MALRD1: variants seen among roughly 807,000 people sequenced by gnomAD.
MALRD1 encodes the protein MAM and LDL receptor class A domain containing 1, also known as MAM and LDL-receptor class A domain-containing protein 1.
MALRD1 carries 247 observed loss-of-function variants against 242.1 expected under a neutral mutation model. The ratio of observed to expected loss-of-function variants is 1.02; its 90% CI spans 0.92 to 1.13. The LOEUF is 1.13. Among genes scored for constraint, MALRD1 ranks in the 50% most tolerant of loss-of-function variants. The pLI is 0.00. For synonymous variants in MALRD1, 995 were observed against 866.6 expected, an observed-to-expected ratio of 1.15 and a Z score of -2.60; for missense variants, 2,989 against 2,533.1, an observed-to-expected ratio of 1.18 and a Z score of -3.86.
chr10:19,175,281 G>A lies in MALRD1; in HGVS notation c.1904G>A (p.Cys635Tyr). 8.1e-7 allele frequency: 1 copy of A among 1,230,558 alleles called. No individual in the cohort carries two copies. Among genetic ancestry groups the A allele is most frequent in the East Asian group, 3.2e-5 (1 of 31,578 alleles). The allele number at this position is 1,230,558 out of a possible 1,614,324, so 76.2% of individuals were successfully genotyped here. ...ALDDISVSQECEISYKSLPRT... is the reference protein window; with the variant it reads ...ALDDISVSQEYEISYKSLPRT... ...GATGACATCAGTGTGTCCCAGGAAT[G>A]TGAAATTTCCTATAAATCACTACCA... Residue 635 changes from cysteine to tyrosine, a missense_variant, in exon 14 of 40, where the codon TGT (cysteine) becomes TAT (tyrosine). Transcript: ENST00000454679.
chr10:19,206,248 G>C (rs7081980), intron 17 of MALRD1, among the ~76,000 whole-genome samples: 111,194 of 151,174 alleles, frequency 0.74, 41,111 homozygotes, highest in South Asian at 0.83. Context: ...ATCGTAGAGA[G>C]TTTTGCCTAT....
chr10:19,556,017 A>C, intron 32 of MALRD1, among the ~76,000 whole-genome samples: 1 of 152,182 alleles, frequency 6.6e-6, no homozygotes, highest in East Asian at 1.9e-4. Context: ...TTTCCAACTA[A>C]GGCAACTCAG....
chr10:19,628,938 A>G (rs905742012), intron 36 of MALRD1, among the ~76,000 whole-genome samples: 2 of 152,152 alleles, frequency 1.3e-5, no homozygotes, highest in African/African-American at 4.8e-5. Context: ...TGCCTCCTGC[A>G]GAGCCAAGTA....
At chr10:19,466,528 C>T (rs763247727) in intron 29 of MALRD1, among the ~76,000 whole-genome samples, 20 of 152,134 alleles carry the variant, frequency 1.3e-4, no homozygotes, top group Non-Finnish European at 2.6e-4. Context: ...TCTCACAGTT[C>T]TGGAGGCTGG....
chr10:19,402,194 G>A (rs1022094989), intron 28 of MALRD1, among the ~76,000 whole-genome samples: 2 of 152,112 alleles, frequency 1.3e-5, no homozygotes, highest in South Asian at 2.1e-4. Context: ...TTTATCTTTT[G>A]AGAGAGCAAG....
intron 2 of MALRD1, among the ~76,000 whole-genome samples, chr10:19,083,839 T>A (rs1476730428): frequency 6.6e-6 from 1 of 151,976 alleles, no homozygotes; most frequent in Admixed American, 6.6e-5. Context: ...AGCCATTTGT[T>A]GAATAAAAGC....
At chr10:19,592,219 A>C (rs1837826841) in intron 33 of MALRD1, among the ~76,000 whole-genome samples, 1 of 152,352 alleles carries the variant, frequency 6.6e-6, no homozygotes, top group South Asian at 2.1e-4. Context: ...TCTCTCAGGA[A>C]CATCCCTGCA....
chr10:19,272,988 A>C (rs903125407), intron 19 of MALRD1, among the ~76,000 whole-genome samples: 41 of 152,128 alleles, frequency 2.7e-4, no homozygotes, highest in African/African-American at 9.7e-4. Context: ...GCTGCAATAA[A>C]CATATGTGTG....
At chr10:19,280,459 C>T (rs980990166) in intron 20 of MALRD1, among the ~76,000 whole-genome samples, 3 of 152,148 alleles carry the variant, frequency 2.0e-5, no homozygotes, top group African/African-American at 7.2e-5. Flanking sequence ...TCAAAACTAT[C>T]GTTTTCACAA....
intron 28 of MALRD1, among the ~76,000 whole-genome samples, chr10:19,447,126 C>T (rs1172167771): frequency 6.6e-6 from 1 of 150,786 alleles, no homozygotes; most frequent in Non-Finnish European, 1.5e-5. Context: ...ACTGAGAGTG[C>T]TTTTACAGTA....
At chr10:19,706,180 C>G (rs192368305) in intron 38 of MALRD1, among the ~76,000 whole-genome samples, 65 of 152,242 alleles carry the variant, frequency 4.3e-4, no homozygotes, top group Middle Eastern at 6.8e-3. Flanking sequence ...AATGCAGAAA[C>G]TTGTGGTTTC....
At chr10:19,671,175 G>A (rs1486020429) in intron 36 of MALRD1, among the ~76,000 whole-genome samples, 2 of 151,836 alleles carry the variant, frequency 1.3e-5, no homozygotes, top group African/African-American at 4.8e-5. Flanking sequence ...TACAATATGA[G>A]GACTACTTGA....
At position 19,464,267 on chromosome 10, in the gene MALRD1, G is replaced by A. The variant is rs75715453; in HGVS notation, c.5029+13777G>A. Among the ~76,000 whole-genome samples the A allele has an allele frequency of 5.9e-3, 904 of 152,186 alleles. 13 individuals carry two copies. Among genetic ancestry groups the A allele is most frequent in the Admixed American group, 0.024 (364 of 15,288 alleles). On this transcript the variant is annotated intron_variant, in intron 29 of 39. Coordinates refer to ENST00000454679, the MANE Select transcript of MALRD1 (RefSeq NM_001142308.3). ...TGTTGCATTTGCTTTTGGGTTCTTG[G>A]TCGTGAAGTCTTTGCCTAAGCCAAT...
chr10:19,580,739 A>G (rs1199415651), intron 33 of MALRD1, among the ~76,000 whole-genome samples: 1 of 152,156 alleles, frequency 6.6e-6, no homozygotes, highest in Non-Finnish European at 1.5e-5. Flanking sequence ...TGTGCTTGGC[A>G]TCTCTTCTCA....
At chr10:19,517,782 T>C (rs1299595951) in intron 31 of MALRD1, among the ~76,000 whole-genome samples, 3 of 152,172 alleles carry the variant, frequency 2.0e-5, no homozygotes, top group Non-Finnish European at 4.4e-5. Context: ...GGAGCTCAAA[T>C]TTAAGAGAGA....
At chr10:19,581,760 G>A (rs1837138198) in intron 33 of MALRD1, among the ~76,000 whole-genome samples, 1 of 150,334 alleles carries the variant, frequency 6.7e-6, no homozygotes, top group African/African-American at 2.5e-5. Flanking sequence ...GGGTCAAATG[G>A]TATTTCTAGT....
At chr10:19,407,006 T>C (rs1833055781) in intron 28 of MALRD1, among the ~76,000 whole-genome samples, 1 of 152,192 alleles carries the variant, frequency 6.6e-6, no homozygotes, top group East Asian at 1.9e-4. Flanking sequence ...GCTTCCTGTC[T>C]TAAATGAGGA....
chr10:19,668,482 A>G (rs1365802634), intron 36 of MALRD1, among the ~76,000 whole-genome samples: 1 of 152,206 alleles, frequency 6.6e-6, no homozygotes, highest in African/African-American at 2.4e-5. Context: ...TGCACCCAGA[A>G]AGCCGAGGAT....
intron 38 of MALRD1, among the ~76,000 whole-genome samples, chr10:19,714,445 A>G (rs1015626387): frequency 4.6e-5 from 7 of 152,022 alleles, no homozygotes; most frequent in African/African-American, 1.4e-4. Context: ...CTCGACGTCC[A>G]GCTGCCTGCA....
Sources: gnomAD v4.1 joint callset for allele counts (sites outside exome capture counted in the v4.1 genomes callset) on GRCh38, gnomAD v4.1.1 for gene constraint, MANE v1.5 for transcripts, NCBI Gene and HGNC (gene_info 2026-07-23, HGNC 2026-07-21) for gene names.